The following FLT1 variants were observed in gnomAD, a reference collection of about 807,000 sequenced individuals.
FLT1 encodes the protein vascular endothelial growth factor receptor 1.
FLT1 carries 49 observed loss-of-function variants against 156.3 expected under a neutral mutation model. That is an observed-to-expected ratio of 0.31 (90% confidence interval 0.25 to 0.40). The LOEUF is 0.40. FLT1 is among the 10% of genes least tolerant of loss of function. The pLI is 1.00. For synonymous variants in FLT1, 594 were observed against 583.8 expected, an observed-to-expected ratio of 1.02 and a Z score of -0.25; for missense variants, 1,322 against 1,637.2, an observed-to-expected ratio of 0.81 and a Z score of 3.32.
intron 17 of FLT1, among the ~76,000 whole-genome samples, chr13:28,335,688 A>C (rs1872091964): frequency 6.6e-6 from 1 of 152,204 alleles, no homozygotes; most frequent in Admixed American, 6.5e-5. Context: ...CAGAGAGAAC[A>C]CTGGGGAGAC....
chr13:28,405,679 T>C, intron 11 of FLT1, 101 bp downstream of exon 11: 2 of 766,854 alleles, frequency 2.6e-6, no homozygotes, highest in Non-Finnish European at 4.7e-6. Flanking sequence ...GAATTTTTGT[T>C]TGAACATTTA....
At chr13:28,320,932 A>G (rs9508016) in intron 23 of FLT1, among the ~76,000 whole-genome samples, 120,938 of 151,946 alleles carry the variant, frequency 0.8, 48,934 homozygotes, top group East Asian at 0.88. Flanking sequence ...CACTATGTCT[A>G]AAAACAAGCA....
intron 25 of FLT1, among the ~76,000 whole-genome samples, chr13:28,313,257 G>C (rs990654915): frequency 2.0e-5 from 3 of 152,154 alleles, no homozygotes; most frequent in Non-Finnish European, 4.4e-5. Context: ...GGGATTACAG[G>C]CGTGAGCCAC....
chr13:28,488,480 A>AAAAC (rs35434341), intron 1 of FLT1, among the ~76,000 whole-genome samples: 96,623 of 151,350 alleles, frequency 0.64, 31,067 homozygotes, highest in Admixed American at 0.74. Flanking sequence ...TTTTAATGAA[A>AAAAC]AAACAAACAA....
chr13:28,327,311 G>A, intron 20 of FLT1, 151 bp downstream of exon 20: 1 of 647,578 alleles, frequency 1.5e-6, no homozygotes, highest in Non-Finnish European at 2.8e-6. Context: ...ATTATCAGGG[G>A]AAAAAACATG....
intron 10 of FLT1, among the ~76,000 whole-genome samples, chr13:28,418,513 G>C (rs1381754418): frequency 6.6e-6 from 1 of 152,166 alleles, no homozygotes; most frequent in East Asian, 1.9e-4. Flanking sequence ...CCTCTGAGGA[G>C]TCCTATGGGA....
At chr13:28,463,747 T>A (rs1313529547) in intron 3 of FLT1, among the ~76,000 whole-genome samples, 1 of 152,182 alleles carries the variant, frequency 6.6e-6, no homozygotes, top group Non-Finnish European at 1.5e-5. Flanking sequence ...AAACCTGTCA[T>A]GGAAGTGTTC....
chr13:28,483,612 C>T (rs1172698119), intron 1 of FLT1, among the ~76,000 whole-genome samples: 1 of 152,088 alleles, frequency 6.6e-6, no homozygotes, highest in African/African-American at 2.4e-5. Flanking sequence ...AAGGAAAACG[C>T]TATTTTCTCC....
At chr13:28,350,885 T>A (rs1245298815) in intron 15 of FLT1, among the ~76,000 whole-genome samples, 1 of 151,704 alleles carries the variant, frequency 6.6e-6, no homozygotes, top group East Asian at 1.9e-4. Flanking sequence ...CCTTCCCTCC[T>A]CCCTTTCTTC....
At chr13:28,473,859 AAAG>A (rs1215376139) in intron 1 of FLT1, among the ~76,000 whole-genome samples, 1 of 151,176 alleles carries the variant, frequency 6.6e-6, no homozygotes, top group Admixed American at 6.6e-5. Context: ...AGAAAGAAAG[AAAG>A]AACCCAATGT....
In FLT1 at chr13:28,473,725, AGAAAGAAGGAAGGAAGGAAG is replaced by A. The variant is rs1308265578; in HGVS notation, c.65-6128_65-6109del. Among the ~76,000 whole-genome samples, 168 of 89,460 alleles carry A rather than the reference AGAAAGAAGGAAGGAAGGAAG, an allele frequency of 1.9e-3. 2 individuals carry two copies. The highest frequency in any genetic ancestry group is 6.8e-3 in the African/African-American group (141 of 20,620). The allele number at this position is 89,460 out of a possible 152,430, so 58.7% of individuals were successfully genotyped here. On this transcript the variant is annotated intron_variant, in intron 1 of 29. Coordinates refer to ENST00000282397, the MANE Select transcript of FLT1 (RefSeq NM_002019.4). The stretch of plus-strand genomic sequence containing the variant: ...AAGAAAGAAAGAAAGAAAGAAAGAA[AGAAAGAAGGAAGGAAGGAAG>A]GAAGGAAGGAAGGAAGGAAGGAAGG...
At chr13:28,433,650 A>G (rs1877837714) in intron 6 of FLT1, among the ~76,000 whole-genome samples, 169 bp downstream of exon 6, 1 of 152,238 alleles carries the variant, frequency 6.6e-6, no homozygotes, top group South Asian at 2.1e-4. Context: ...TATCACACTC[A>G]TGAAATGCCA....
intron 18 of FLT1, among the ~76,000 whole-genome samples, chr13:28,331,735 T>G (rs1054197422): frequency 2.0e-5 from 3 of 152,160 alleles, no homozygotes; most frequent in Non-Finnish European, 4.4e-5. Context: ...GGCCATGCCT[T>G]TTTTCTATCT....
Position 28,372,564 on chromosome 13 carries a change from A to ATG in FLT1, c.2116+12319_2116+12320dup, listed in dbSNP as rs1453821493. Among the ~76,000 whole-genome samples, 167 of 56,484 alleles carry ATG rather than the reference A, an allele frequency of 3.0e-3. 2 individuals are homozygous for ATG. The highest frequency in any genetic ancestry group is 5.3e-3 in the African/African-American group (79 of 15,000). 37.1% of individuals were successfully genotyped at this position (56,484 alleles called of 152,430 possible). On this transcript the variant is annotated intron_variant, in intron 14 of 29. Coordinates refer to ENST00000282397, the MANE Select transcript of FLT1 (RefSeq NM_002019.4). ...TTCATATATTCCTCGTTTAAATAAA[A>ATG]TGTATATATATATATATATATATAT...
rs140180276 is a variant in FLT1, at chr13:28,457,177, T to TACACAC, written c.388+9720_388+9725dup. ...ACTGCTCTAGGAAAAAAAAAAATCA[T>TACACAC]ACACACACACACACACATAGACATG... On this transcript the variant is annotated intron_variant, in intron 3 of 29. Transcript: ENST00000282397. 4.9e-4 allele frequency among the ~76,000 whole-genome samples: 74 copies of TACACAC among 150,844 alleles called. 1 individual carries two copies. The highest frequency in any genetic ancestry group is 1.7e-3 in the African/African-American group (71 of 41,020).
In FLT1 at chr13:28,339,240, A is replaced by G. The variant is rs2138851702; in HGVS notation, c.2416T>C (p.Leu806=). The change falls in exon 17 of 30, where the codon TTG becomes CTG. Residue 806 remains leucine, a synonymous_variant. Transcript: ENST00000282397. ...SIIMDPDEVP[L]DEQCERLPYD... is the part of the protein sequence containing the mutation. ...GGGAGCCGCTCACACTGCTCATCCA[A>G]AGGAACTTCATCTGGGTCCATTATA... 6.2e-7 allele frequency: 1 copy of G among 1,614,090 alleles called. No homozygotes were observed. Among genetic ancestry groups the G allele is most frequent in the Non-Finnish European group, 8.5e-7 (1 of 1,179,962 alleles).
In FLT1 at chr13:28,301,277, G is replaced by A. The variant is rs1208643869; in HGVS notation, c.*1890C>T. 4 of 223,664 alleles carry A rather than the reference G, an allele frequency of 1.8e-5. No individual in the cohort carries two copies. In the Admixed American group the frequency reaches 2.3e-4, roughly 13 times the overall value. The allele number at this position is 223,664 out of a possible 1,614,324, so 13.9% of individuals were successfully genotyped here. On this transcript the variant is annotated 3_prime_UTR_variant, in exon 30 of 30. Coordinates refer to ENST00000282397, the MANE Select transcript of FLT1 (RefSeq NM_002019.4). The stretch of plus-strand genomic sequence containing the variant: ...AATTGCCAGCTGTCACAGGTGGTTT[G>A]CGTATGTAAAGAAGAGGAAGAACAA...
In FLT1 at chr13:28,322,219, C is replaced by T. The variant is rs758060035; in HGVS notation, c.3051+43G>A. 1 of 1,159,292 alleles carries T rather than the reference C, an allele frequency of 8.6e-7. No individual in the cohort carries two copies. The highest frequency in any genetic ancestry group is 1.5e-5 in the African/African-American group (1 of 66,350). The allele number at this position is 1,159,292 out of a possible 1,614,324, so 71.8% of individuals were successfully genotyped here. ...ATGAATTTATAGCAAAGGTGTGTGT[C>T]CAGCCCTGGCAGAGAAGAAAAACAG... On this transcript the variant is annotated intron_variant, in intron 22 of 29. Transcript: ENST00000282397. The surrounding 1 kb of genome is among the most constrained non-coding windows in gnomAD (Gnocchi z 4.3).
At chr13:28,327,368 C>T in intron 20 of FLT1, 94 bp downstream of exon 20, 3 of 800,170 alleles carry the variant, frequency 3.7e-6, no homozygotes, top group Non-Finnish European at 6.6e-6. Context: ...TAATCATTAA[C>T]AACACAATAC....
Sources: gnomAD v4.1 joint callset for allele counts (sites outside exome capture counted in the v4.1 genomes callset) on GRCh38, gnomAD v4.1.1 for gene constraint, Gnocchi (gnomAD v3.1) non-coding constraint, MANE v1.5 for transcripts, NCBI Gene and HGNC (gene_info 2026-07-23, HGNC 2026-07-21) for gene names.